The following PDE1C variants were observed in gnomAD, a reference collection of about 807,000 sequenced individuals.
PDE1C encodes the protein dual specificity calcium/calmodulin-dependent 3',5'-cyclic nucleotide phosphodiesterase 1C.
Under a neutral mutation model 93.1 loss-of-function variants are expected in PDE1C, and 62 were observed. That is an observed-to-expected ratio of 0.67 (90% CI 0.54 to 0.82). The LOEUF (loss-of-function observed/expected upper bound fraction) is 0.82. Ranked by LOEUF, PDE1C falls within the 40% of genes least tolerant of loss-of-function variation. The pLI is 0.00. For missense variants in PDE1C, 742 were observed against 884.6 expected, an observed-to-expected ratio of 0.84 and a Z score of 2.04; for synonymous variants, 325 against 310.1, an observed-to-expected ratio of 1.05 and a Z score of -0.50.
chr7:31,630,807 T>C, the PDE1C span, among the ~76,000 whole-genome samples: 3 of 151,894 alleles, frequency 2.0e-5, no homozygotes, highest in Admixed American at 2.0e-4. Context: ...GCAAAATGAA[T>C]GGGCAAAATA....
intron 2 of PDE1C, among the ~76,000 whole-genome samples, chr7:31,970,229 T>C (rs2129047735): frequency 6.6e-6 from 1 of 152,298 alleles, no homozygotes; most frequent in South Asian, 2.1e-4. Context: ...CGAGCTGACA[T>C]ATCATTGAGT....
chr7:31,813,073 T>A (rs1004778734), intron 15 of PDE1C, among the ~76,000 whole-genome samples: 9 of 152,202 alleles, frequency 5.9e-5, no homozygotes, highest in Non-Finnish European at 8.8e-5. Flanking sequence ...GTCTGATACA[T>A]GTTAAGCATT....
intron 2 of PDE1C, among the ~76,000 whole-genome samples, chr7:31,973,560 A>G (rs1240003799): frequency 2.6e-5 from 4 of 152,142 alleles, no homozygotes; most frequent in Non-Finnish European, 4.4e-5. Flanking sequence ...AACACAATAT[A>G]ATGTTTATAA....
In PDE1C at chr7:31,790,355, C is replaced by T. The variant is rs894497584; in HGVS notation, c.1892-14623G>A. 5 of 1,037,412 alleles carry T rather than the reference C, an allele frequency of 4.8e-6. No individual in the cohort carries two copies. In the African/African-American group the frequency reaches 6.5e-5, roughly 13 times the overall value. The allele number at this position is 1,037,412 out of a possible 1,614,324, so 64.3% of individuals were successfully genotyped here. A position where few individuals can be genotyped will look rare whatever the true frequency, so the allele number is the denominator to read the frequency against. On this transcript the variant is annotated intron_variant, in intron 16 of 17. Coordinates refer to ENST00000396191, the MANE Select transcript of PDE1C (RefSeq NM_001191057.4). ...TCTGAGGAGAAGGAAATCTAGGGGA[C>T]CAAAAAAAATGGGATAACCAATTAA...
At chr7:32,373,868 A>T (rs552490720) in intron 1 of PDE1C, among the ~76,000 whole-genome samples, 31 of 152,196 alleles carry the variant, frequency 2.0e-4, no homozygotes, top group African/African-American at 7.0e-4. Context: ...TATGCCCGTA[A>T]TCCCAGCTCC....
intron 2 of PDE1C, among the ~76,000 whole-genome samples, chr7:31,922,301 T>G (rs940885543): frequency 6.6e-6 from 1 of 152,342 alleles, no homozygotes; most frequent in African/African-American, 2.4e-5. Context: ...ATATAAAATC[T>G]CATTGCCCCT....
chr7:31,842,244 A>T (rs545112624), intron 9 of PDE1C, among the ~76,000 whole-genome samples: 1 of 152,306 alleles, frequency 6.6e-6, no homozygotes, highest in African/African-American at 2.4e-5. Context: ...TTCATAAAAT[A>T]CATTAGTCTT....
chr7:32,043,878 AG>A (rs1419744937), intron 2 of PDE1C, among the ~76,000 whole-genome samples: 1 of 152,228 alleles, frequency 6.6e-6, no homozygotes. Context: ...TACGTGTGGG[AG>A]TATGCAGTGA....
At chr7:31,800,512 T>C (rs900437509) in intron 16 of PDE1C, among the ~76,000 whole-genome samples, 2 of 151,572 alleles carry the variant, frequency 1.3e-5, no homozygotes, top group Non-Finnish European at 3.0e-5. Flanking sequence ...CTTGGAATTG[T>C]CTTTGCCCTT....
intron 1 of PDE1C, among the ~76,000 whole-genome samples, chr7:32,065,654 C>A (rs1009541711): frequency 1.3e-5 from 2 of 152,114 alleles, no homozygotes; most frequent in African/African-American, 4.8e-5. Context: ...ATTGAGTAAT[C>A]CCATGTTGCC....
intron 2 of PDE1C, among the ~76,000 whole-genome samples, chr7:31,934,144 T>A (rs1190713736): frequency 6.6e-6 from 1 of 152,200 alleles, no homozygotes; most frequent in Non-Finnish European, 1.5e-5. Flanking sequence ...CTTCATATCC[T>A]TGTACCTTCT....
chr7:32,289,970 G>A (rs1221308664), intron 1 of PDE1C, among the ~76,000 whole-genome samples: 1 of 152,142 alleles, frequency 6.6e-6, no homozygotes, highest in Non-Finnish European at 1.5e-5. Context: ...AATACTCCAG[G>A]GCAGAGTCTT....
chr7:32,329,973 G>C (rs1783479954), intron 1 of PDE1C, among the ~76,000 whole-genome samples: 1 of 152,240 alleles, frequency 6.6e-6, no homozygotes, highest in Non-Finnish European at 1.5e-5. Context: ...GGGATGCCAA[G>C]GAGCCTGGCA....
At chr7:31,687,409 G>C in the PDE1C span, 1 of 152,292 alleles carries the variant, frequency 6.6e-6, no homozygotes, top group African/African-American at 2.4e-5. Context: ...GCACGGGGTT[G>C]TGCTTTATGG....
rs191726706 is a variant in PDE1C, at chr7:32,026,836, A to T, written c.128+24718T>A. Among the ~76,000 whole-genome samples, 1,182 of 152,104 alleles carry T rather than the reference A, an allele frequency of 7.8e-3. 4 individuals carry two copies. The highest frequency in any genetic ancestry group is 0.011 in the Admixed American group (169 of 15,256). The stretch of plus-strand genomic sequence containing the variant: ...GGAAAATAATCCAGCACTAAAAATT[A>T]AAAAAAAGAGAACATCAAGCTATGA... On this transcript the variant is annotated intron_variant, in intron 2 of 17. Coordinates refer to ENST00000396191, the MANE Select transcript of PDE1C (RefSeq NM_001191057.4).
chr7:31,771,269 C>T (rs1795472134), intron 17 of PDE1C, among the ~76,000 whole-genome samples: 1 of 152,224 alleles, frequency 6.6e-6, no homozygotes, highest in African/African-American at 2.4e-5. Context: ...CCTGCACTTC[C>T]CTGCTTCTTG....
At chr7:32,230,290 G>T (rs1213023162) in intron 1 of PDE1C, among the ~76,000 whole-genome samples, 1 of 152,152 alleles carries the variant, frequency 6.6e-6, no homozygotes, top group African/African-American at 2.4e-5. Flanking sequence ...GGAGCCAAGG[G>T]AGGAAAAACA....
chr7:32,196,147 T>C (rs1234250075), intron 2 of PDE1C, among the ~76,000 whole-genome samples: 2 of 152,186 alleles, frequency 1.3e-5, no homozygotes, highest in Admixed American at 6.5e-5. Context: ...GCCAGCTCTC[T>C]GTTTAACTTT....
chr7:32,385,721 T>TG (rs1201933654), intron 1 of PDE1C, among the ~76,000 whole-genome samples: 2 of 152,156 alleles, frequency 1.3e-5, no homozygotes, highest in Non-Finnish European at 2.9e-5. Flanking sequence ...TAGTCATGTG[T>TG]GGTACCATGT....
Sources: allele counts gnomAD v4.1 joint callset (sites outside exome capture counted in the v4.1 genomes callset), GRCh38; gene constraint gnomAD v4.1.1; transcripts MANE v1.5; gene names NCBI Gene and HGNC (gene_info 2026-07-23, HGNC 2026-07-21).